Variants in IGSF11 observed in about 807,000 individuals in gnomAD.
IGSF11 encodes CXADR like 1.
A neutral mutation model predicts 41.0 loss-of-function variants in IGSF11; 22 were observed. The observed-to-expected ratio is 0.54, with a 90% CI of 0.38 to 0.77. The LOEUF is 0.77. Among genes scored for constraint, IGSF11 ranks in the 30% least tolerant of loss-of-function variants. The pLI, the probability that IGSF11 is intolerant of heterozygous loss-of-function variation, is 0.00. For synonymous variants in IGSF11, 219 were observed against 201.3 expected, an observed-to-expected ratio of 1.09 and a Z score of -0.74; for missense variants, 444 against 530.8, an observed-to-expected ratio of 0.84 and a Z score of 1.61.
chr3:118,971,163 T>C (rs1381293863), intron 1 of IGSF11, among the ~76,000 whole-genome samples: 1 of 152,176 alleles, frequency 6.6e-6, no homozygotes, highest in Non-Finnish European at 1.5e-5. Context: ...CTAGAATGAC[T>C]GAAGCATACA....
At chr3:119,076,967 C>T (rs1054635882) in intron 1 of IGSF11, among the ~76,000 whole-genome samples, 1 of 152,178 alleles carries the variant, frequency 6.6e-6, no homozygotes, top group Non-Finnish European at 1.5e-5. Context: ...GGCACATGCA[C>T]ACGCATGTTT....
chr3:119,135,678 A>G (rs1214674648), intron 1 of IGSF11, among the ~76,000 whole-genome samples: 6 of 152,226 alleles, frequency 3.9e-5, no homozygotes, highest in Non-Finnish European at 8.8e-5. Flanking sequence ...ATCTAGAACT[A>G]GAAATACCAT....
At chr3:119,051,183 C>CA (rs1055903400) in intron 1 of IGSF11, among the ~76,000 whole-genome samples, 175 of 145,812 alleles carry the variant, frequency 1.2e-3, no homozygotes, top group Admixed American at 3.1e-3. Flanking sequence ...AAATAAATTT[C>CA]AAAAAAAAAA....
chr3:118,973,098 C>T (rs1933638538), intron 1 of IGSF11, among the ~76,000 whole-genome samples: 1 of 152,214 alleles, frequency 6.6e-6, no homozygotes, highest in African/African-American at 2.4e-5. Context: ...GTTTTGTTCT[C>T]TCTGCTGCTC....
chr3:119,139,016 T>G (rs1166427747), intron 1 of IGSF11, among the ~76,000 whole-genome samples: 2 of 152,100 alleles, frequency 1.3e-5, no homozygotes, highest in Non-Finnish European at 2.9e-5. Flanking sequence ...ACTAAAAAAG[T>G]GTAATTGGAT....
chr3:118,969,111 C>T (rs531945805), intron 1 of IGSF11, among the ~76,000 whole-genome samples: 3 of 151,482 alleles, frequency 2.0e-5, no homozygotes, highest in Non-Finnish European at 2.9e-5. Context: ...AGTTTATCAT[C>T]GAGTTGGAGA....
chr3:118,993,994 T>C (rs1936036088), intron 1 of IGSF11, among the ~76,000 whole-genome samples: 1 of 152,250 alleles, frequency 6.6e-6, no homozygotes, highest in Admixed American at 6.5e-5. Context: ...TTGTACACTG[T>C]ACATTGGTAA....
intron 1 of IGSF11, among the ~76,000 whole-genome samples, chr3:118,960,912 T>C (rs1008688502): frequency 3.3e-5 from 5 of 152,236 alleles, no homozygotes; most frequent in African/African-American, 1.2e-4. Flanking sequence ...AAAAACAGAC[T>C]TGCTAATCAG....
intron 1 of IGSF11, among the ~76,000 whole-genome samples, chr3:119,020,732 C>T (rs904339796): frequency 1.5e-4 from 23 of 152,202 alleles, no homozygotes; most frequent in Middle Eastern, 3.2e-3. Context: ...AAATACCAGG[C>T]AGGCAATACA....
At chr3:118,927,171 T>C (rs1287954926) in intron 3 of IGSF11, among the ~76,000 whole-genome samples, 1 of 152,172 alleles carries the variant, frequency 6.6e-6, no homozygotes, top group African/African-American at 2.4e-5. Flanking sequence ...TCCTAACTAC[T>C]GCGGTGGGGC....
At chr3:118,913,710 A>G (rs772394409) in intron 4 of IGSF11, among the ~76,000 whole-genome samples, 1 of 152,214 alleles carries the variant, frequency 6.6e-6, no homozygotes, top group Non-Finnish European at 1.5e-5. Flanking sequence ...TGATGAAAGA[A>G]GCAATGGAGC....
chr3:119,105,087 C>T, intron 1 of IGSF11: 1 of 1,115,452 alleles, frequency 9.0e-7, no homozygotes, highest in Non-Finnish European at 1.4e-6. Flanking sequence ...TCAGCCAGGC[C>T]ATAAGAGATA....
At position 118,957,385 on chromosome 3, in the gene IGSF11, AAC is replaced by A. The variant is rs1185354470; in HGVS notation, c.53-27112_53-27111del. ...CCACTCAAGTTTACACATAAAATTA[AAC>A]AGAGTTAATTATTAATTCAATTTCT... is the stretch of plus-strand genomic sequence containing the variant. On this transcript the variant is annotated intron_variant, in intron 1 of 6. Transcript: ENST00000393775. 3.9e-5 allele frequency among the ~76,000 whole-genome samples: 6 copies of A among 152,238 alleles called. No homozygotes were observed. In the South Asian group the frequency reaches 8.3e-4, roughly 21 times the overall value.
chr3:118,969,549 G>GAA (rs1024791693), intron 1 of IGSF11, among the ~76,000 whole-genome samples: 1 of 152,074 alleles, frequency 6.6e-6, no homozygotes, highest in Non-Finnish European at 1.5e-5. Flanking sequence ...CTTCCCCCGT[G>GAA]AAAAAAGCAA....
chr3:118,986,325 A>G (rs1379677125), intron 1 of IGSF11, among the ~76,000 whole-genome samples: 1 of 152,066 alleles, frequency 6.6e-6, no homozygotes, highest in Non-Finnish European at 1.5e-5. Flanking sequence ...TCCTCATTAG[A>G]CTGTAAATTT....
chr3:118,977,175 G>A (rs1934206315), intron 1 of IGSF11, among the ~76,000 whole-genome samples: 1 of 152,162 alleles, frequency 6.6e-6, no homozygotes, highest in African/African-American at 2.4e-5. Flanking sequence ...GCCCTGGCTT[G>A]GATCTCTAAG....
At chr3:119,117,300 T>C (rs1017020146) in intron 1 of IGSF11, among the ~76,000 whole-genome samples, 2 of 152,068 alleles carry the variant, frequency 1.3e-5, no homozygotes, top group African/African-American at 2.4e-5. Flanking sequence ...AGGTAATTTA[T>C]ACAGGAAAAG....
intron 4 of IGSF11, among the ~76,000 whole-genome samples, chr3:118,906,563 T>C (rs1162420831): frequency 6.6e-6 from 1 of 152,166 alleles, no homozygotes; most frequent in African/African-American, 2.4e-5. Flanking sequence ...TGCAAAGCAG[T>C]GGTGGATCTA....
At position 119,031,665 on chromosome 3, in the gene IGSF11, T is replaced by C. The variant is rs1269546011; in HGVS notation, c.52+2866A>G. On this transcript the variant is annotated intron_variant, in intron 1 of 6. Coordinates refer to ENST00000393775, the MANE Select transcript of IGSF11 (RefSeq NM_001015887.3). ...AATATTTAAATTGCTTCCTGAATAG[T>C]CCATGTTGAATATATATGTGTATTA... Among the ~76,000 whole-genome samples the C allele has an allele frequency of 4.6e-5, 7 of 152,210 alleles. No homozygotes were observed. The East Asian group carries it at 9.6e-4, about 21-fold the overall frequency.
Sources: gnomAD v4.1 joint callset for allele counts (sites outside exome capture counted in the v4.1 genomes callset) on GRCh38, gnomAD v4.1.1 for gene constraint, MANE v1.5 for transcripts, NCBI Gene and HGNC (gene_info 2026-07-23, HGNC 2026-07-21) for gene names.